Variants in AGAP1 observed in about 807,000 individuals in gnomAD.
The protein encoded by AGAP1 is ArfGAP with GTPase domain, ankyrin repeat and PH domain 1.
A neutral mutation model predicts 105.3 loss-of-function variants in AGAP1; 29 were observed. The observed-to-expected ratio is 0.28, with a 90% CI of 0.21 to 0.38. The LOEUF (loss-of-function observed/expected upper bound fraction) is 0.38. Among genes scored for constraint, AGAP1 ranks in the 10% least tolerant of loss-of-function variants. The pLI is 1.00. For synonymous variants in AGAP1, 509 were observed against 485.9 expected, an observed-to-expected ratio of 1.05 and a Z score of -0.63; for missense variants, 998 against 1,165.1, an observed-to-expected ratio of 0.86 and a Z score of 2.09.
chr2:235,530,235 G>A (rs1264458971), intron 1 of AGAP1, among the ~76,000 whole-genome samples: 2 of 152,178 alleles, frequency 1.3e-5, no homozygotes, highest in Non-Finnish European at 2.9e-5. Context: ...CAGTCTTGGT[G>A]TATCTGAACT....
Position 236,002,546 on chromosome 2 carries a change from GCT to G in AGAP1, c.1645+33924_1645+33925del, listed in dbSNP as rs2056167584. 6.6e-6 allele frequency among the ~76,000 whole-genome samples: 1 copy of G among 152,124 alleles called. No individual in the cohort carries two copies. The highest frequency in any genetic ancestry group is 1.5e-5 in the Non-Finnish European group (1 of 68,046). On this transcript the variant is annotated intron_variant, in intron 13 of 17. Coordinates refer to ENST00000304032, the MANE Select transcript of AGAP1 (RefSeq NM_001037131.3). This position sits in a 1 kb window ranked among gnomAD's most constrained non-coding sequence, Gnocchi z 4.3. Reference sequence around the variant, plus strand: ...GCTCCCTCTCATGAGGGGGTCACTGGCTGCCCTTATAGAAGGCCTTGGAAAGA... The same window carrying G: ...GCTCCCTCTCATGAGGGGGTCACTGGGCCCTTATAGAAGGCCTTGGAAAGA...
chr2:236,076,749 C>T lies in AGAP1; in HGVS notation c.2114+27468C>T, dbSNP rs2058645731. 6.6e-6 allele frequency among the ~76,000 whole-genome samples: 1 copy of T among 152,140 alleles called. No homozygotes were observed. Among genetic ancestry groups the T allele is most frequent in the Admixed American group, 6.5e-5 (1 of 15,278 alleles). On this transcript the variant is annotated intron_variant, in intron 16 of 17. Coordinates refer to ENST00000304032, the MANE Select transcript of AGAP1 (RefSeq NM_001037131.3). The surrounding 1 kb of genome is among the most constrained non-coding windows in gnomAD (Gnocchi z 4.4). ...TATGAGCATACCTGGCAACAGACCA[C>T]TTCCTAGAGAAATGCCTCCAGTGAG...
intron 1 of AGAP1, among the ~76,000 whole-genome samples, chr2:235,567,586 G>A (rs1944387009): frequency 6.6e-6 from 1 of 152,196 alleles, no homozygotes; most frequent in Non-Finnish European, 1.5e-5. Context: ...GTATGCAGCT[G>A]GGGAGCTGTG....
At chr2:236,115,725 C>A (rs2059754377) in intron 16 of AGAP1, among the ~76,000 whole-genome samples, 1 of 152,242 alleles carries the variant, frequency 6.6e-6, no homozygotes, top group African/African-American at 2.4e-5. Context: ...CCCCAACTCC[C>A]TGGCCACCTC....
intron 6 of AGAP1, among the ~76,000 whole-genome samples, chr2:235,795,444 C>T (rs1957201190): frequency 6.6e-6 from 1 of 152,166 alleles, no homozygotes; most frequent in Non-Finnish European, 1.5e-5. Context: ...GGAGTCCTTT[C>T]CCCTTCCTAT....
In AGAP1 at chr2:236,068,899, C is replaced by G. The variant is rs559992199; in HGVS notation, c.2114+19618C>G. Among the ~76,000 whole-genome samples the G allele has an allele frequency of 6.0e-5, 9 of 150,662 alleles. No homozygotes were observed. In the South Asian group the frequency reaches 1.9e-3, roughly 31 times the overall value. On this transcript the variant is annotated intron_variant, in intron 16 of 17. Coordinates refer to ENST00000304032, the MANE Select transcript of AGAP1 (RefSeq NM_001037131.3). The stretch of plus-strand genomic sequence containing the variant: ...ATCCTAGCACTTTGGGAGGCCAAGG[C>G]AGGCGGATCATGAGGTCAGGAGATC...
At chr2:235,772,613 C>T (rs1955546601) in intron 6 of AGAP1, among the ~76,000 whole-genome samples, 1 of 152,218 alleles carries the variant, frequency 6.6e-6, no homozygotes, top group African/African-American at 2.4e-5. Flanking sequence ...ATGGATCTGC[C>T]TTTTCTTGAT....
rs1053445195 is a variant in AGAP1, at chr2:235,556,534, C to G, written c.163+61685C>G. Among the ~76,000 whole-genome samples the G allele has an allele frequency of 1.3e-5, 2 of 152,200 alleles. No homozygotes were observed. Among genetic ancestry groups the G allele is most frequent in the African/African-American group, 4.8e-5 (2 of 41,448 alleles). On this transcript the variant is annotated intron_variant, in intron 1 of 17. Coordinates refer to ENST00000304032, the MANE Select transcript of AGAP1 (RefSeq NM_001037131.3). The surrounding 1 kb of genome is among the most constrained non-coding windows in gnomAD (Gnocchi z 5.3). ...GAGTGCCTAACCGTTTACCTGTTTT[C>G]TGCTCTGACCAGGCACCTTGGGGGA...
Position 235,689,856 on chromosome 2 carries a change from C to T in AGAP1, c.164-19323C>T, listed in dbSNP as rs557894486. ...GGAGAGCATCTGGGGTGGTGTCCTACACCTCCTTTCCAGGAGTTTCTGTGT... is the reference window on the plus strand; with the variant it reads ...GGAGAGCATCTGGGGTGGTGTCCTATACCTCCTTTCCAGGAGTTTCTGTGT... On this transcript the variant is annotated intron_variant, in intron 1 of 17. Transcript: ENST00000304032. This position sits in a 1 kb window ranked among gnomAD's most constrained non-coding sequence, Gnocchi z 4.2. Among the ~76,000 whole-genome samples the T allele has an allele frequency of 7.9e-5, 12 of 152,334 alleles. No homozygotes were observed. The highest frequency in any genetic ancestry group is 2.4e-4 in the African/African-American group (10 of 41,580).
In AGAP1 at chr2:235,709,168, C is replaced by G. The variant is rs1411490765; in HGVS notation, c.164-11C>G. ...TTATGGTGTCTGACTTTGTGTCCTC[C>G]TCTTTTTCAGATGCCTTCGTGAACA... is the stretch of plus-strand genomic sequence containing the variant. On this transcript the variant is annotated splice_polypyrimidine_tract_variant and intron_variant, in intron 1 of 17. Transcript: ENST00000304032. The G allele has an allele frequency of 7.4e-6, 12 of 1,613,918 alleles. No homozygotes were observed. Among genetic ancestry groups the G allele is most frequent in the Non-Finnish European group, 8.5e-6 (10 of 1,179,986 alleles).
intron 3 of AGAP1, among the ~76,000 whole-genome samples, chr2:235,726,302 G>A (rs1309015404): frequency 1.3e-5 from 2 of 152,166 alleles, no homozygotes; most frequent in Non-Finnish European, 2.9e-5. Context: ...CACTCACAGA[G>A]CCCAACAACA....
intron 15 of AGAP1, 121 bp from the exon 16 acceptor site, chr2:236,048,938 G>A (rs3738992): frequency 0.017 from 16,269 of 942,894 alleles, 921 homozygotes; most frequent in African/African-American, 0.14. Context: ...ATTTTTTCTC[G>A]CCATGGATGT....
intron 1 of AGAP1, among the ~76,000 whole-genome samples, chr2:235,627,903 TG>T (rs1946694260): frequency 6.6e-6 from 1 of 152,040 alleles, no homozygotes; most frequent in Non-Finnish European, 1.5e-5. Context: ...ATCTTCTCAA[TG>T]GGAGGGAGGA....
At chr2:235,954,129 C>T (rs577678001) in intron 12 of AGAP1, among the ~76,000 whole-genome samples, 25 of 152,022 alleles carry the variant, frequency 1.6e-4, no homozygotes, top group African/African-American at 5.5e-4. Flanking sequence ...ATCCCAGCTA[C>T]TCGGGAGGCT....
chr2:235,946,929 G>T (rs553754273), intron 12 of AGAP1, among the ~76,000 whole-genome samples: 3 of 152,056 alleles, frequency 2.0e-5, no homozygotes, highest in African/African-American at 7.2e-5. Context: ...CAGTTTAAAC[G>T]TGCCCATGTC....
chr2:235,859,746 CT>C (rs936416796), intron 9 of AGAP1, among the ~76,000 whole-genome samples: 5 of 152,174 alleles, frequency 3.3e-5, no homozygotes, highest in Admixed American at 3.3e-4. Flanking sequence ...TGAATAAGTT[CT>C]GAACTATTGT....
At position 236,019,890 on chromosome 2, in the gene AGAP1, C is replaced by T. The variant is rs563629213; in HGVS notation, c.1646-16671C>T. 2.6e-5 allele frequency among the ~76,000 whole-genome samples: 4 copies of T among 152,338 alleles called. No individual in the cohort carries two copies. In the South Asian group the frequency reaches 8.3e-4, roughly 32 times the overall value. On this transcript the variant is annotated intron_variant, in intron 13 of 17. Coordinates refer to ENST00000304032, the MANE Select transcript of AGAP1 (RefSeq NM_001037131.3). ...CCCCGCCAAATGCCCCGGCAGTCTC[C>T]CCAGTGCCCCGTGTGGGTCCCCACT...
rs758118688 is a variant in AGAP1, at chr2:235,965,942, C to T, written c.1484-2520C>T. Among the ~76,000 whole-genome samples the T allele has an allele frequency of 1.1e-4, 17 of 152,068 alleles. No individual in the cohort carries two copies. Among genetic ancestry groups the T allele is most frequent in the Non-Finnish European group, 2.1e-4 (14 of 68,024 alleles). On this transcript the variant is annotated intron_variant, in intron 12 of 17. Transcript: ENST00000304032. The surrounding 1 kb of genome is among the most constrained non-coding windows in gnomAD (Gnocchi z 5.8). ...ATGTTCATTTAGCAAGAGAGGGGAG[C>T]CCATTCCTCTAGGGATGGAGAGAGG...
In AGAP1 at chr2:235,725,717, C is replaced by T. The variant is rs1197131137; in HGVS notation, c.310+8073C>T. 1.3e-5 allele frequency among the ~76,000 whole-genome samples: 2 copies of T among 152,142 alleles called. No individual in the cohort carries two copies. Among genetic ancestry groups the T allele is most frequent in the Non-Finnish European group, 2.9e-5 (2 of 68,032 alleles). On this transcript the variant is annotated intron_variant, in intron 3 of 17. Transcript: ENST00000304032. This position sits in a 1 kb window ranked among gnomAD's most constrained non-coding sequence, Gnocchi z 5.7. ...ATAGATAAAGCAGAAGTCAGTTCAG[C>T]CATCTTCACTGATGATTTTCAGAAT...
Sources: allele counts gnomAD v4.1 joint callset (sites outside exome capture counted in the v4.1 genomes callset), GRCh38; gene constraint gnomAD v4.1.1; non-coding constraint Gnocchi (gnomAD v3.1); transcripts MANE v1.5; gene names NCBI Gene and HGNC (gene_info 2026-07-23, HGNC 2026-07-21).